WWOX: variants seen among roughly 807,000 people sequenced by gnomAD.
The protein encoded by WWOX is WW domain-containing oxidoreductase.
A neutral mutation model predicts 46.2 loss-of-function variants in WWOX; 69 were observed. The observed-to-expected ratio is 1.49, with a 90% CI of 1.23 to 1.82. WWOX has a LOEUF of 1.82. Among genes scored for constraint, WWOX ranks in the 40% most tolerant of loss-of-function variants. The pLI, the probability that WWOX is intolerant of heterozygous loss-of-function variation, is 0.00. For missense variants in WWOX, 919 were observed against 542.6 expected (o/e 1.69, Z -6.89); for synonymous variants, 359 against 202.6 (o/e 1.77, Z -6.56).
At chr16:79,027,278 T>TGA (rs2047664624) in intron 8 of WWOX, among the ~76,000 whole-genome samples, 2 of 31,032 alleles carry the variant, frequency 6.4e-5, no homozygotes, top group Non-Finnish European at 1.3e-4. Context: ...AGACTCCATC[T>TGA]CAAAAAAAAA....
At chr16:78,552,336 G>C (rs148623311) in intron 8 of WWOX, 1 of 152,226 alleles carries the variant, frequency 6.6e-6, no homozygotes, top group Non-Finnish European at 1.5e-5. Context: ...GGGAGAAGGC[G>C]CATCTGCCCC....
At chr16:78,405,662 C>A (rs2082510977) in intron 6 of WWOX, among the ~76,000 whole-genome samples, 2 of 152,138 alleles carry the variant, frequency 1.3e-5, no homozygotes, top group Non-Finnish European at 2.9e-5. Flanking sequence ...TACCATATCC[C>A]CAAAGTAGAA....
intron 6 of WWOX, among the ~76,000 whole-genome samples, chr16:78,397,235 G>C (rs766848948): frequency 6.6e-5 from 10 of 150,990 alleles, no homozygotes; most frequent in Non-Finnish European, 1.5e-4. Context: ...ACTAAGTGCT[G>C]TTTCAATAAC....
intron 4 of WWOX, among the ~76,000 whole-genome samples, chr16:78,124,853 A>T (rs768469789): frequency 6.6e-6 from 1 of 152,132 alleles, no homozygotes; most frequent in East Asian, 1.9e-4. Flanking sequence ...AGGTTTCTTC[A>T]CTAGACTCTA....
intron 8 of WWOX, among the ~76,000 whole-genome samples, chr16:78,498,150 A>G (rs569905021): frequency 8.7e-5 from 12 of 137,742 alleles, no homozygotes; most frequent in Middle Eastern, 4.6e-3. Context: ...GCTTGCAGTG[A>G]GCCGAGATTG....
intron 8 of WWOX, among the ~76,000 whole-genome samples, chr16:78,917,553 A>C (rs958069185): frequency 7.9e-5 from 12 of 151,624 alleles, no homozygotes; most frequent in African/African-American, 2.7e-4. Context: ...ATTATTCCTA[A>C]CCCCCAACCA....
chr16:78,477,981 A>G (rs565742864), intron 8 of WWOX, among the ~76,000 whole-genome samples: 51 of 152,316 alleles, frequency 3.3e-4, no homozygotes, highest in African/African-American at 1.2e-3. Context: ...AAAAGCTGCA[A>G]TAGGTTTTTC....
At chr16:78,150,905 G>A (rs1176049441) in intron 4 of WWOX, among the ~76,000 whole-genome samples, 3 of 151,792 alleles carry the variant, frequency 2.0e-5, no homozygotes, top group Non-Finnish European at 4.4e-5. Context: ...ACAGGGTCTC[G>A]CTCTGTCACC....
chr16:78,148,378 G>C (rs1475228024), intron 4 of WWOX, among the ~76,000 whole-genome samples: 1 of 152,144 alleles, frequency 6.6e-6, no homozygotes, highest in Non-Finnish European at 1.5e-5. Context: ...ACTTGGGCCA[G>C]ACAGCACGTG....
At chr16:78,740,586 G>A (rs1446303368) in intron 8 of WWOX, among the ~76,000 whole-genome samples, 1 of 152,168 alleles carries the variant, frequency 6.6e-6, no homozygotes, top group Non-Finnish European at 1.5e-5. Context: ...GAGAGCACTC[G>A]TCTTTCAGGC....
chr16:78,737,094 GTTTA>G (rs2049109773), intron 8 of WWOX, among the ~76,000 whole-genome samples: 2 of 151,514 alleles, frequency 1.3e-5, no homozygotes, highest in East Asian at 1.9e-4. Context: ...CTTTATTTTT[GTTTA>G]TTTATTTATT....
intron 8 of WWOX, among the ~76,000 whole-genome samples, chr16:78,805,883 G>T (rs1250502170): frequency 6.6e-6 from 1 of 152,078 alleles, no homozygotes; most frequent in African/African-American, 2.4e-5. Flanking sequence ...CTGCCTTGTT[G>T]GGTCTTCTTT....
At chr16:78,279,638 C>T (rs1417511904) in intron 5 of WWOX, among the ~76,000 whole-genome samples, 1 of 152,166 alleles carries the variant, frequency 6.6e-6, no homozygotes, top group Non-Finnish European at 1.5e-5. Flanking sequence ...AGAGCTGTCT[C>T]ACCCATTTAT....
At chr16:78,964,882 A>G (rs1221841275) in intron 8 of WWOX, among the ~76,000 whole-genome samples, 12 of 152,220 alleles carry the variant, frequency 7.9e-5, no homozygotes, top group South Asian at 2.1e-4. Flanking sequence ...GGGCCAAGGT[A>G]TAGCTCAGGC....
At chr16:78,844,826 C>T (rs1398512039) in intron 8 of WWOX, among the ~76,000 whole-genome samples, 1 of 152,162 alleles carries the variant, frequency 6.6e-6, no homozygotes, top group East Asian at 1.9e-4. Context: ...CTAACAGTGT[C>T]ACCGTGTAAG....
intron 5 of WWOX, among the ~76,000 whole-genome samples, chr16:78,358,572 C>T (rs1184392292): frequency 2.0e-5 from 3 of 152,074 alleles, no homozygotes; most frequent in African/African-American, 7.2e-5. Context: ...GACTGAGAAT[C>T]GCTTGAACCT....
At chr16:78,978,768 C>A (rs891000025) in intron 8 of WWOX, among the ~76,000 whole-genome samples, 3 of 152,148 alleles carry the variant, frequency 2.0e-5, no homozygotes, top group African/African-American at 7.2e-5. Context: ...CTCACTGGGA[C>A]AACACCAAGG....
At chr16:78,851,245 C>T (rs1056555359) in intron 8 of WWOX, among the ~76,000 whole-genome samples, 1 of 152,150 alleles carries the variant, frequency 6.6e-6, no homozygotes. Flanking sequence ...TTCACAGAAA[C>T]TGATGTGTAA....
At chr16:78,433,188 CTG>C (rs1282363868) in intron 8 of WWOX, among the ~76,000 whole-genome samples, 2 of 152,094 alleles carry the variant, frequency 1.3e-5, no homozygotes, top group Non-Finnish European at 2.9e-5. Context: ...CACAGAAAAA[CTG>C]TATCTTTTGT....
Sources: gnomAD v4.1 joint callset for allele counts (sites outside exome capture counted in the v4.1 genomes callset) on GRCh38, gnomAD v4.1.1 for gene constraint, MANE v1.5 for transcripts, NCBI Gene and HGNC (gene_info 2026-07-23, HGNC 2026-07-21) for gene names.